Variants in SYT1 observed in about 807,000 individuals in gnomAD.
SYT1 encodes synaptotagmin 1.
SYT1 carries 8 observed loss-of-function variants against 44.8 expected under a neutral mutation model. The ratio of observed to expected loss-of-function variants is 0.18; its 90% confidence interval spans 0.10 to 0.32. The LOEUF (loss-of-function observed/expected upper bound fraction) is 0.32, where lower values mean the gene tolerates loss of function less well. Ranked by LOEUF, SYT1 falls within the 10% of genes least tolerant of loss-of-function variation. The probability of loss-of-function intolerance (pLI) is 1.00; values close to 1 mark genes in which losing one functional copy is unlikely to be tolerated. For synonymous variants in SYT1, 154 were observed against 188.8 expected, an observed-to-expected ratio of 0.82 and a Z score of 1.51; for missense variants, 286 against 509.3, an observed-to-expected ratio of 0.56 and a Z score of 4.22.
At chr12:79,144,815 A>G (rs1421673937) in intron 3 of SYT1, among the ~76,000 whole-genome samples, 3 of 152,222 alleles carry the variant, frequency 2.0e-5, no homozygotes, top group African/African-American at 4.8e-5. Context: ...ATCCATCTGC[A>G]CTGTCAAAAT....
Position 79,341,459 on chromosome 12 carries a change from G to A in SYT1, c.811-12043G>A, listed in dbSNP as rs551796762. On this transcript the variant is annotated intron_variant, in intron 8 of 10. Coordinates refer to ENST00000261205, the MANE Select transcript of SYT1 (RefSeq NM_005639.3). ...AAAATCATGGGTAGGAGTTCTGGGG[G>A]ACTGGGTCTAGGAGTGGTGCACATC... The A allele has an allele frequency of 5.9e-5, 9 of 152,114 alleles. No individual in the cohort carries two copies. The South Asian group carries it at 1.9e-3, about 32-fold the overall frequency. The allele number at this position is 152,114 out of a possible 1,614,324, so 9.4% of individuals were successfully genotyped here.
At chr12:79,015,187 T>C (rs1871724496) in intron 2 of SYT1, among the ~76,000 whole-genome samples, 1 of 151,906 alleles carries the variant, frequency 6.6e-6, no homozygotes, top group African/African-American at 2.4e-5. Context: ...ATTGTGCACA[T>C]GTACCCTAAA....
chr12:79,331,629 T>C (rs1328076959), intron 8 of SYT1, among the ~76,000 whole-genome samples: 1 of 152,166 alleles, frequency 6.6e-6, no homozygotes, highest in African/African-American at 2.4e-5. Flanking sequence ...TTTATCCCTT[T>C]GCAGAATTTA....
chr12:79,213,983 T>A (rs541834501), intron 3 of SYT1, among the ~76,000 whole-genome samples: 1 of 152,252 alleles, frequency 6.6e-6, no homozygotes, highest in East Asian at 1.9e-4. Flanking sequence ...ATCAGCTAAT[T>A]TTTTCATCCA....
chr12:79,206,027 C>T (rs1874103180), intron 3 of SYT1, among the ~76,000 whole-genome samples: 1 of 151,992 alleles, frequency 6.6e-6, no homozygotes, highest in Non-Finnish European at 1.5e-5. Flanking sequence ...ACTAAGGAAG[C>T]ATGTTGAAAA....
At chr12:79,083,625 T>TA (rs1336318367) in intron 3 of SYT1, among the ~76,000 whole-genome samples, 6 of 152,304 alleles carry the variant, frequency 3.9e-5, no homozygotes, top group African/African-American at 1.2e-4. Context: ...TATATTAATG[T>TA]AAAAAATGCA....
chr12:79,203,103 A>G (rs1264016257), intron 3 of SYT1, among the ~76,000 whole-genome samples: 1 of 151,032 alleles, frequency 6.6e-6, no homozygotes, highest in African/African-American at 2.4e-5. Context: ...AAATTTTTTT[A>G]TTGTGAAAAT....
chr12:79,247,970 G>A (rs1249700227), intron 4 of SYT1, among the ~76,000 whole-genome samples: 1 of 152,118 alleles, frequency 6.6e-6, no homozygotes, highest in Admixed American at 6.5e-5. Flanking sequence ...GAAAATGAAG[G>A]TCAATAAAGA....
intron 4 of SYT1, among the ~76,000 whole-genome samples, chr12:79,281,309 A>G (rs1039550463): frequency 6.6e-6 from 1 of 152,156 alleles, no homozygotes; most frequent in Non-Finnish European, 1.5e-5. Context: ...ATAGAGATAT[A>G]GATAGATATA....
At chr12:78,976,190 C>T (rs1868818454) in intron 1 of SYT1, among the ~76,000 whole-genome samples, 1 of 152,042 alleles carries the variant, frequency 6.6e-6, no homozygotes, top group African/African-American at 2.4e-5. Context: ...TCTTTAGAGG[C>T]ATGAACCTAT....
At chr12:79,320,009 A>C (rs1220697888) in intron 8 of SYT1, among the ~76,000 whole-genome samples, 1 of 152,182 alleles carries the variant, frequency 6.6e-6, no homozygotes, top group Non-Finnish European at 1.5e-5. Flanking sequence ...ATATATGAGA[A>C]ATGTCTTTGC....
intron 1 of SYT1, among the ~76,000 whole-genome samples, chr12:78,872,825 G>A (rs918754465): frequency 9.2e-5 from 14 of 151,660 alleles, no homozygotes; most frequent in Non-Finnish European, 1.9e-4. Flanking sequence ...ATAAATAAAG[G>A]AGCAGCCTTT....
intron 4 of SYT1, among the ~76,000 whole-genome samples, chr12:79,226,038 A>G (rs7968716): frequency 0.72 from 109,745 of 152,114 alleles, 40,270 homozygotes; most frequent in African/African-American, 0.82. Flanking sequence ...GCTCATGCCT[A>G]GCACATATGA....
chr12:79,451,634 T>C lies in SYT1; in HGVS notation c.*2510T>C, dbSNP rs1044227548. 6.6e-6 allele frequency: 1 copy of C among 152,252 alleles called. No homozygotes were observed. The highest frequency in any genetic ancestry group is 2.1e-4 in the South Asian group (1 of 4,836). 9.4% of individuals were successfully genotyped at this position (152,252 alleles called of 1,614,324 possible). ...CTTTCACTCTTTCACAAGTCAGTGA[T>C]GGAACCTGCTTTATGACCAAGATTC... On this transcript the variant is annotated 3_prime_UTR_variant, in exon 11 of 11. Coordinates refer to ENST00000261205, the MANE Select transcript of SYT1 (RefSeq NM_005639.3).
intron 3 of SYT1, among the ~76,000 whole-genome samples, chr12:79,169,693 A>C (rs1871399746): frequency 6.6e-6 from 1 of 152,094 alleles, no homozygotes; most frequent in Non-Finnish European, 1.5e-5. Context: ...AGGTATGAGT[A>C]GAGCTTTTTT....
At chr12:79,370,274 T>C (rs1257542814) in intron 9 of SYT1, among the ~76,000 whole-genome samples, 1 of 152,066 alleles carries the variant, frequency 6.6e-6, no homozygotes, top group Non-Finnish European at 1.5e-5. Flanking sequence ...GTTCAGGCAA[T>C]TGGAGATGTT....
chr12:78,890,116 A>AT (rs146112032), intron 1 of SYT1, among the ~76,000 whole-genome samples: 3,615 of 151,952 alleles, frequency 0.024, 143 homozygotes, highest in African/African-American at 0.083. Context: ...CAAAAATAAT[A>AT]TTTTTTTCTT....
rs111837338 is a variant in SYT1, at chr12:78,986,935, G to A, written c.-84+9004G>A. On this transcript the variant is annotated intron_variant, in intron 2 of 10. Coordinates refer to ENST00000261205, the MANE Select transcript of SYT1 (RefSeq NM_005639.3). ...GATATCTCTTATTAAAGATAGTTAC[G>A]ATGCAGAACTGAAAAATACTAAAGT... 5.5e-3 allele frequency among the ~76,000 whole-genome samples: 835 copies of A among 152,002 alleles called. 2 individuals carry two copies. Among genetic ancestry groups the A allele is most frequent in the Non-Finnish European group, 9.5e-3 (645 of 67,902 alleles).
rs1166902157 is a variant in SYT1 at position 78,931,181 on chromosome 12, AAG to A, written c.-216-46616_-216-46615del. On this transcript the variant is annotated intron_variant, in intron 1 of 10. Coordinates refer to ENST00000261205, the MANE Select transcript of SYT1 (RefSeq NM_005639.3). Reference sequence around the variant, plus strand: ...CTGTGGAAAGAAAGAAAGAAAGAAAAAGAAAGAAAGAAAGAAAGAAAGAAAGA... The same window carrying A: ...CTGTGGAAAGAAAGAAAGAAAGAAAAAAAGAAAGAAAGAAAGAAAGAAAGA... 1.6e-3 allele frequency among the ~76,000 whole-genome samples: 28 copies of A among 17,764 alleles called. 1 individual carries two copies. The South Asian group carries it at 0.061, about 39-fold the overall frequency. 11.7% of individuals were successfully genotyped at this position (17,764 alleles called of 152,430 possible).
Sources: allele counts gnomAD v4.1 joint callset (sites outside exome capture counted in the v4.1 genomes callset), GRCh38; gene constraint gnomAD v4.1.1; transcripts MANE v1.5; gene names NCBI Gene and HGNC (gene_info 2026-07-23, HGNC 2026-07-21).